Variants in ZNF717 observed in about 807,000 individuals in gnomAD.
ZNF717 encodes zinc finger protein 717, also known as krueppel-like factor X17.
Under a neutral mutation model 13.8 loss-of-function variants are expected in ZNF717, and 9 were observed. The ratio of observed to expected loss-of-function variants is 0.65; its 90% CI spans 0.39 to 1.14. ZNF717 has a LOEUF of 1.14. Among genes scored for constraint, ZNF717 ranks in the 50% most tolerant of loss-of-function variants. The probability of loss-of-function intolerance (pLI) is 0.01; values close to 1 mark genes in which losing one functional copy is unlikely to be tolerated. For missense variants in ZNF717, 1,040 were observed against 1,080.7 expected (o/e 0.96, Z 0.53); for synonymous variants, 327 against 364.1 (o/e 0.90, Z 1.16).
At chr3:75,705,850 C>G (rs150420868), downstream of ZNF717, among the ~76,000 whole-genome samples, 1 of 149,734 alleles carries the variant, frequency 6.7e-6, no homozygotes, top group African/African-American at 2.5e-5. Context: ...AATTCATAGA[C>G]AAATTTAAGA....
intron 2 of ZNF717, among the ~76,000 whole-genome samples, chr3:75,749,430 T>C (rs1575818730): frequency 6.6e-6 from 1 of 152,010 alleles, no homozygotes; most frequent in African/African-American, 2.4e-5. Flanking sequence ...ACAACACTCC[T>C]GCTGTGGTCT....
At chr3:75,720,830 AAAAAG>A (rs1171128530) in intron 4 of ZNF717, among the ~76,000 whole-genome samples, 2 of 152,216 alleles carry the variant, frequency 1.3e-5, no homozygotes, top group Non-Finnish European at 2.9e-5. Context: ...TAAAAAGAAA[AAAAAG>A]AAAAGAAAAT....
rs73114985 is a variant in ZNF717, at chr3:75,723,745, G to C, written n.545-7204C>G. Among the ~76,000 whole-genome samples, 19 of 140,398 alleles carry C rather than the reference G, an allele frequency of 1.4e-4. No homozygotes were observed. The Admixed American group carries it at 1.4e-3, about 10-fold the overall frequency. 92.1% of individuals were successfully genotyped at this position (140,398 alleles called of 152,430 possible). On this transcript the variant is annotated intron_variant and non_coding_transcript_variant, in intron 4 of 5. Coordinates refer to the ZNF717 transcript ENST00000491507. ...AGCGCCTGGGAAGACGCCTGTTACT[G>C]AGCAGACCTTGGTCTAGCGGTAGCT...
intron 4 of ZNF717, among the ~76,000 whole-genome samples, chr3:75,720,360 T>A (rs1288510633): frequency 6.6e-6 from 1 of 152,118 alleles, no homozygotes. Flanking sequence ...CTGGAGCCCA[T>A]CATCCCAAGC....
chr3:75,778,228 A>G (rs1944488613), intron 2 of ZNF717, among the ~76,000 whole-genome samples: 1 of 152,054 alleles, frequency 6.6e-6, no homozygotes, highest in South Asian at 2.1e-4. Context: ...GGAACCCAAA[A>G]CAATGGAGCT....
intron 2 of ZNF717, among the ~76,000 whole-genome samples, chr3:75,781,799 C>G (rs143223970): frequency 6.6e-6 from 1 of 152,136 alleles, no homozygotes; most frequent in South Asian, 2.1e-4. Context: ...TCATAAAGCC[C>G]GCACATTTGT....
At chr3:75,774,050 CA>C (rs979088585) in intron 2 of ZNF717, among the ~76,000 whole-genome samples, 10 of 148,636 alleles carry the variant, frequency 6.7e-5, no homozygotes, top group South Asian at 2.1e-4. Context: ...AAATCCATCT[CA>C]AAAAAAAATA....
chr3:75,741,595 G>T lies in ZNF717; in HGVS notation c.184+15C>A. On this transcript the variant is annotated intron_variant, in intron 3 of 4. Coordinates refer to ENST00000652011, the MANE Select transcript of ZNF717 (RefSeq NM_001290208.3). ...CAAAATACAATCCTGGGAGTTACTG[G>T]CAAGTTTCACTCACCCAATGATACC... 1 of 1,593,400 alleles carries T rather than the reference G, an allele frequency of 6.3e-7. No homozygotes were observed. The highest frequency in any genetic ancestry group is 1.1e-5 in the South Asian group (1 of 89,400).
In ZNF717 at chr3:75,737,700, G is replaced by A. The variant is rs1403782573; in HGVS notation, c.1923C>T (p.His641=). ...KSNLSTHQGT[H]TGEKPYVCNE... ...TACATACGTAAGGTTTCTCTCCTGT[G>A]TGAGTTCCCTGATGGGTGCTGAGAT... Residue 641 remains histidine, a synonymous_variant, in exon 5 of 5, where the codon CAC becomes CAT. Transcript: ENST00000652011. The A allele has an allele frequency of 6.5e-7, 1 of 1,545,214 alleles. No individual in the cohort carries two copies. Among genetic ancestry groups the A allele is most frequent in the South Asian group, 1.2e-5 (1 of 83,682 alleles).
At chr3:75,709,199 C>T (rs1409295255), downstream of ZNF717, among the ~76,000 whole-genome samples, 1 of 151,968 alleles carries the variant, frequency 6.6e-6, no homozygotes, top group Admixed American at 6.6e-5. Context: ...GTGGTTTCAC[C>T]ATGTTGGCCA....
chr3:75,739,215 C>T lies in ZNF717; in HGVS notation c.408G>A (p.Leu136=), dbSNP rs80085410. 6.5e-6 allele frequency: 10 copies of T among 1,541,674 alleles called. No homozygotes were observed. The East Asian group carries it at 1.7e-4, about 27-fold the overall frequency. Residue 136 remains leucine (L), a synonymous_variant, in exon 5 of 5, where the codon TTG becomes TTA. Transcript: ENST00000652011. ...ERVELGKTFN[L]NSNHVLNLII... is the part of the protein sequence containing the mutation. ...TCAGATTTAAAACATGGTTTGAGTT[C>T]AAATTAAATGTTTTTCCTAATTCAA... is the stretch of plus-strand genomic sequence containing the variant.
At chr3:75,720,808 C>T (rs111881512) in intron 4 of ZNF717, among the ~76,000 whole-genome samples, 7 of 152,138 alleles carry the variant, frequency 4.6e-5, no homozygotes, top group Non-Finnish European at 8.8e-5. Context: ...CATAGCAAGA[C>T]CCCATTTTTA....
intron 2 of ZNF717, among the ~76,000 whole-genome samples, chr3:75,775,945 A>C (rs1205075008): frequency 6.6e-6 from 1 of 152,278 alleles, no homozygotes; most frequent in Non-Finnish European, 1.5e-5. Flanking sequence ...TTGAATACCA[A>C]GGAAATATTT....
rs1271877021 is a variant in ZNF717 at position 75,737,233 on chromosome 3, T to C, written c.2390A>G (p.Asp797Gly). The C allele has an allele frequency of 2.6e-6, 4 of 1,552,826 alleles. No homozygotes were observed. Among genetic ancestry groups the C allele is most frequent in the African/African-American group, 1.4e-5 (1 of 73,066 alleles). The change falls in exon 5 of 5, where the codon GAT becomes GGT. Residue 797 changes from aspartate (D) to glycine (G), a missense_variant. Around this residue, in one of 3 missense-constraint regions of ZNF717, gnomAD observed 873 missense variants for 832.8 expected, o/e 1.05. Coordinates refer to ENST00000652011, the MANE Select transcript of ZNF717 (RefSeq NM_001290208.3). ...ECDECRKTFY[D>G]KTVLTIHQRT... Reference sequence around the variant, plus strand: ...CTGATGTATGGTGAGAACTGTCTTATCGTAAAAAGTTTTCCTACATTCATC... The same window carrying C: ...CTGATGTATGGTGAGAACTGTCTTACCGTAAAAAGTTTTCCTACATTCATC...
intron 2 of ZNF717, among the ~76,000 whole-genome samples, chr3:75,781,806 T>C (rs1300426393): frequency 6.6e-6 from 1 of 152,148 alleles, no homozygotes; most frequent in African/African-American, 2.4e-5. Flanking sequence ...GCCCGCACAT[T>C]TGTCCGGCAG....
chr3:75,737,962 T>C lies in ZNF717; in HGVS notation c.1661A>G (p.His554Arg), dbSNP rs1939658253. The C allele has an allele frequency of 4.5e-6, 7 of 1,554,542 alleles. No individual in the cohort carries two copies. Among genetic ancestry groups the C allele is most frequent in the Non-Finnish European group, 6.1e-6 (7 of 1,148,952 alleles). ...GGGTTTTTCCCCTGTGTGAGTTCTG[T>C]GATGTACTGTAAGGTATGACTTGTG... is the stretch of plus-strand genomic sequence containing the variant. Reference protein sequence around the residue: ...YSHKSYLTVHHRTHTGEKPYE... With the variant: ...YSHKSYLTVHRRTHTGEKPYE... The change falls in exon 5 of 5, where the codon CAC (histidine) becomes CGC (arginine). Residue 554 changes from histidine (H) to arginine (R), a missense_variant. His to Arg is a conservative substitution (Grantham distance 29, BLOSUM62 0). This residue lies in a region of ZNF717 where 873 missense variants were observed against 832.8 expected (regional missense o/e 1.05). Coordinates refer to ENST00000652011, the MANE Select transcript of ZNF717 (RefSeq NM_001290208.3).
At chr3:75,743,092 A>G (rs1201460752) in intron 2 of ZNF717, among the ~76,000 whole-genome samples, 1 of 152,190 alleles carries the variant, frequency 6.6e-6, no homozygotes, top group African/African-American at 2.4e-5. Flanking sequence ...AAATAAAAAT[A>G]TACATATCAT....
chr3:75,731,992 G>A, downstream of ZNF717: 1 of 694,688 alleles, frequency 1.4e-6, no homozygotes, highest in Non-Finnish European at 2.6e-6. Context: ...GTTCCATATG[G>A]ACAACTCAAG....
In ZNF717 at chr3:75,737,210, G is replaced by T. The variant is rs1470525328; in HGVS notation, c.2413C>A (p.Gln805Lys). Residue 805 changes from glutamine to lysine, a missense_variant, in exon 5 of 5, where the codon CAG becomes AAG. Transcript: ENST00000652011. ...FYDKTVLTIHQRTHTGEKPFE... is the reference protein window; with the variant it reads ...FYDKTVLTIHKRTHTGEKPFE... ...GGCTTCTCACCTGTGTGAGTTCTCT[G>T]ATGTATGGTGAGAACTGTCTTATCG... 6.4e-7 allele frequency: 1 copy of T among 1,554,040 alleles called. No individual in the cohort carries two copies. Among genetic ancestry groups the T allele is most frequent in the Admixed American group, 2.0e-5 (1 of 51,140 alleles).
Sources: gnomAD v4.1 joint callset for allele counts (sites outside exome capture counted in the v4.1 genomes callset) on GRCh38, gnomAD v4.1.1 for gene constraint, gnomAD v4.1.1 regional missense constraint, MANE v1.5 for transcripts, NCBI Gene and HGNC (gene_info 2026-07-23, HGNC 2026-07-21) for gene names.